The following APBA2 variants were observed in gnomAD, a reference collection of about 807,000 sequenced individuals.
The protein encoded by APBA2 is amyloid beta precursor protein binding family A member 2.
Under a neutral mutation model 75.0 loss-of-function variants are expected in APBA2, and 30 were observed. That is an observed-to-expected ratio of 0.40 (90% CI 0.30 to 0.54). The LOEUF (loss-of-function observed/expected upper bound fraction) is 0.54, where lower values mean the gene tolerates loss of function less well. Among genes scored for constraint, APBA2 ranks in the 20% least tolerant of loss-of-function variants. The pLI, the probability that APBA2 is intolerant of heterozygous loss-of-function variation, is 0.49. For synonymous variants in APBA2, 444 were observed against 409.6 expected (o/e 1.08, Z -1.01); for missense variants, 801 against 1,016.1 (o/e 0.79, Z 2.88).
intron 2 of APBA2, among the ~76,000 whole-genome samples, chr15:28,963,269 G>A (rs958346508): frequency 3.3e-5 from 5 of 152,212 alleles, no homozygotes; most frequent in Non-Finnish European, 5.9e-5. Flanking sequence ...CCCTTCTGTT[G>A]GAGATGTTTC....
intron 2 of APBA2, among the ~76,000 whole-genome samples, chr15:28,970,006 T>A (rs2036981029): frequency 6.6e-6 from 1 of 152,164 alleles, no homozygotes; most frequent in East Asian, 1.9e-4. Flanking sequence ...TTGTTCAAGG[T>A]GATACATGAT....
At position 28,991,926 on chromosome 15, in the gene APBA2, G is replaced by A. The variant is rs927689408; in HGVS notation, c.-94-3827G>A. ...GTGCCAGCCCCTTAGCAAGTGCAGC[G>A]TTGCCCATTTCACTCTGGGAAATGC... On this transcript the variant is annotated intron_variant, in intron 2 of 14. Transcript: ENST00000683413. The surrounding 1 kb of genome is among the most constrained non-coding windows in gnomAD (Gnocchi z 4.7). 2.6e-5 allele frequency among the ~76,000 whole-genome samples: 4 copies of A among 152,188 alleles called. No individual in the cohort carries two copies. The highest frequency in any genetic ancestry group is 9.7e-5 in the African/African-American group (4 of 41,442).
At chr15:29,047,022 C>T (rs948286750) in intron 3 of APBA2, among the ~76,000 whole-genome samples, 6 of 152,300 alleles carry the variant, frequency 3.9e-5, no homozygotes, top group Admixed American at 2.6e-4. Context: ...TTCTTTAACT[C>T]GCTTCAAGCC....
At chr15:28,946,059 T>C (rs1373932676) in intron 2 of APBA2, among the ~76,000 whole-genome samples, 2 of 152,220 alleles carry the variant, frequency 1.3e-5, no homozygotes, top group East Asian at 1.9e-4. Flanking sequence ...TCTTCATGCA[T>C]GTGTCTCTCC....
intron 1 of APBA2, among the ~76,000 whole-genome samples, chr15:28,904,776 G>T (rs2033053170): frequency 6.6e-6 from 1 of 152,196 alleles, no homozygotes; most frequent in African/African-American, 2.4e-5. Flanking sequence ...TCCTAGGCTG[G>T]CTGGTGGTGT....
At chr15:29,087,979 C>T (rs963083059) in intron 6 of APBA2, among the ~76,000 whole-genome samples, 12 of 152,204 alleles carry the variant, frequency 7.9e-5, no homozygotes, top group African/African-American at 2.7e-4. Context: ...ATCCACACCA[C>T]CCCGCTCTAC....
At chr15:29,108,181 G>C in intron 12 of APBA2, 89 bp from the exon 13 acceptor site, 1 of 1,592,082 alleles carries the variant, frequency 6.3e-7, no homozygotes, top group Non-Finnish European at 8.5e-7. Flanking sequence ...CACTGCCCCC[G>C]GCCTCCACCA....
Position 28,918,586 on chromosome 15 carries a change from A to G in APBA2, c.-204-3054A>G, listed in dbSNP as rs1414364870. ...TTGTGGGAACACTCGGGCGGGATGT[A>G]TTTTAAAGGAGTGCCTGATGCGTGT... On this transcript the variant is annotated intron_variant, in intron 1 of 14. Transcript: ENST00000683413. The surrounding 1 kb of genome is among the most constrained non-coding windows in gnomAD (Gnocchi z 4.2). Among the ~76,000 whole-genome samples the G allele has an allele frequency of 1.2e-5, 1 of 86,866 alleles. No homozygotes were observed. Among genetic ancestry groups the G allele is most frequent in the Non-Finnish European group, 2.1e-5 (1 of 47,626 alleles). 57.0% of individuals were successfully genotyped at this position (86,866 alleles called of 152,430 possible). A position where few individuals can be genotyped will look rare whatever the true frequency, so the allele number is the denominator to read the frequency against.
At chr15:29,109,962 G>A (rs2044642141) in intron 13 of APBA2, among the ~76,000 whole-genome samples, 2 of 152,208 alleles carry the variant, frequency 1.3e-5, no homozygotes, top group Non-Finnish European at 2.9e-5. Flanking sequence ...CAGTGCGCCT[G>A]CCGCAGGAGC....
chr15:29,070,033 G>A (rs2042549348), intron 4 of APBA2, among the ~76,000 whole-genome samples: 1 of 152,200 alleles, frequency 6.6e-6, no homozygotes, highest in Non-Finnish European at 1.5e-5. Context: ...CCAGGCCAGA[G>A]TGTGCTATCA....
intron 2 of APBA2, among the ~76,000 whole-genome samples, chr15:28,980,914 G>A (rs1389984369): frequency 6.6e-6 from 1 of 152,162 alleles, no homozygotes; most frequent in Non-Finnish European, 1.5e-5. Context: ...CTTTGACAAA[G>A]CTGCCAAAAA....
intron 4 of APBA2, among the ~76,000 whole-genome samples, chr15:29,056,101 G>T (rs937253759): frequency 6.6e-6 from 1 of 152,182 alleles, no homozygotes; most frequent in Non-Finnish European, 1.5e-5. Flanking sequence ...GACATGCTGC[G>T]TCTTATTGTG....
At chr15:28,970,314 T>G (rs1036766706) in intron 2 of APBA2, 4 of 150,940 alleles carry the variant, frequency 2.7e-5, no homozygotes, top group African/African-American at 9.7e-5. Context: ...TTATATAGCA[T>G]GTAGTGATGT....
chr15:28,929,544 C>T (rs538491482), intron 2 of APBA2, among the ~76,000 whole-genome samples: 2 of 152,268 alleles, frequency 1.3e-5, no homozygotes, highest in East Asian at 1.9e-4. Flanking sequence ...ATGGTGCTGG[C>T]GCCCAGGCTT....
chr15:28,966,779 T>A (rs1177772085), intron 2 of APBA2, among the ~76,000 whole-genome samples: 3 of 152,146 alleles, frequency 2.0e-5, no homozygotes, highest in Non-Finnish European at 4.4e-5. Flanking sequence ...GTGACAAACA[T>A]TTTTTAGAGT....
Position 29,105,439 on chromosome 15 carries a change from C to A in APBA2, c.1585C>A (p.Arg529=). Residue 529 remains arginine, a synonymous_variant, in exon 11 of 15, where the codon CGA becomes AGA. Coordinates refer to ENST00000683413, the MANE Select transcript of APBA2 (RefSeq NM_001353788.2). ...AFSVAYQEFL[R]ANGINPEDLS... is the part of the protein sequence containing the mutation. ...CAGCGTGGCCTACCAGGAGTTCCTG[C>A]GAGCCAATGGCATCAACCCCGAAGA... 2 of 1,613,306 alleles carry A rather than the reference C, an allele frequency of 1.2e-6. No individual in the cohort carries two copies. The highest frequency in any genetic ancestry group is 1.7e-6 in the Non-Finnish European group (2 of 1,180,002).
At chr15:28,912,310 ATTAGG>A (rs2033466546) in intron 1 of APBA2, among the ~76,000 whole-genome samples, 1 of 152,180 alleles carries the variant, frequency 6.6e-6, no homozygotes, top group African/African-American at 2.4e-5. Context: ...TATACTATGG[ATTAGG>A]ACATGTGGGT....
At chr15:29,037,447 G>A (rs2040808162) in intron 3 of APBA2, among the ~76,000 whole-genome samples, 1 of 152,160 alleles carries the variant, frequency 6.6e-6, no homozygotes, top group Non-Finnish European at 1.5e-5. Flanking sequence ...TGAGATTACA[G>A]GTTGCCCATC....
intron 2 of APBA2, among the ~76,000 whole-genome samples, chr15:28,926,622 C>G (rs1465494803): frequency 6.6e-6 from 1 of 152,002 alleles, no homozygotes; most frequent in Non-Finnish European, 1.5e-5. Context: ...TTGAATACCT[C>G]TTTTTTATGT....
Sources: allele counts gnomAD v4.1 joint callset (sites outside exome capture counted in the v4.1 genomes callset), GRCh38; gene constraint gnomAD v4.1.1; non-coding constraint Gnocchi (gnomAD v3.1); transcripts MANE v1.5; gene names NCBI Gene and HGNC (gene_info 2026-07-23, HGNC 2026-07-21).